The following BZW2 variants were observed in gnomAD, a reference collection of about 807,000 sequenced individuals.
The protein encoded by BZW2 is eIF5-mimic protein 1.
Under a neutral mutation model 53.2 loss-of-function variants are expected in BZW2, and 23 were observed. The observed-to-expected ratio is 0.43, with a 90% confidence interval of 0.31 to 0.61. The LOEUF is 0.61. Ranked by LOEUF, BZW2 falls within the 20% of genes least tolerant of loss-of-function variation. BZW2 has a pLI of 0.09. For synonymous variants in BZW2, 227 were observed against 186.4 expected (o/e 1.22, Z -1.77); for missense variants, 409 against 503.1 (o/e 0.81, Z 1.79).
At chr7:16,701,217 C>A (rs1418301189) in intron 10 of BZW2, among the ~76,000 whole-genome samples, 1 of 152,094 alleles carries the variant, frequency 6.6e-6, no homozygotes. Context: ...AACAGTAAAT[C>A]CATTGCTAAC....
chr7:16,663,882 A>C (rs971387718), intron 1 of BZW2, among the ~76,000 whole-genome samples: 1 of 152,186 alleles, frequency 6.6e-6, no homozygotes, highest in African/African-American at 2.4e-5. Context: ...ATTTTTTCAA[A>C]GATAATATAT....
chr7:16,695,785 C>G (rs1215874307), intron 8 of BZW2: 1 of 152,160 alleles, frequency 6.6e-6, no homozygotes, highest in African/African-American at 2.4e-5. Context: ...TGGCAGCTCA[C>G]ATGGTTGAAG....
At chr7:16,706,005 G>T in intron 11 of BZW2, 55 bp from the exon 12 acceptor site, 2 of 1,606,062 alleles carry the variant, frequency 1.2e-6, no homozygotes, top group South Asian at 1.1e-5. Flanking sequence ...AGTAACTTTT[G>T]ACCTTAATTA....
At position 16,680,139 on chromosome 7, in the gene BZW2, C is replaced by A. The variant is rs1366867129; in HGVS notation, c.236-1162C>A. Among the ~76,000 whole-genome samples the A allele has an allele frequency of 3.3e-5, 5 of 152,126 alleles. No homozygotes were observed. The East Asian group carries it at 7.8e-4, about 24-fold the overall frequency. On this transcript the variant is annotated intron_variant, in intron 3 of 11. Transcript: ENST00000258761. ...GTAACTGGGTTAGCAAAGGAGGGAGCAATTGTAATAGCTACCCAAGTAGAA... is the reference window on the plus strand; with the variant it reads ...GTAACTGGGTTAGCAAAGGAGGGAGAAATTGTAATAGCTACCCAAGTAGAA...
chr7:16,694,335 G>A (rs892723725), intron 7 of BZW2, among the ~76,000 whole-genome samples: 3 of 152,152 alleles, frequency 2.0e-5, no homozygotes, highest in African/African-American at 7.2e-5. Flanking sequence ...AACAGTTATG[G>A]AGGCTAAGTC....
At chr7:16,682,639 TAGTTCTTATATTAC>T in intron 4 of BZW2, 127 bp from the exon 5 acceptor site, 1 of 376,018 alleles carries the variant, frequency 2.7e-6, no homozygotes, top group Non-Finnish European at 4.7e-6. Context: ...GAAATGCTTA[TAGTTCTTATATTAC>T]AGTGTGAGCC....
chr7:16,681,462 A>G (rs1782944199), intron 4 of BZW2, 58 bp downstream of exon 4: 1 of 1,360,426 alleles, frequency 7.4e-7, no homozygotes, highest in Non-Finnish European at 1.0e-6. Flanking sequence ...ACTCTATAGA[A>G]GCTCTACAGT....
rs371845944 is a variant in BZW2, at chr7:16,679,533, A to G, written c.236-1768A>G. Among the ~76,000 whole-genome samples the G allele has an allele frequency of 5.3e-5, 8 of 152,252 alleles. No individual in the cohort carries two copies. In the East Asian group the frequency reaches 9.6e-4, roughly 18 times the overall value. On this transcript the variant is annotated intron_variant, in intron 3 of 11. Transcript: ENST00000258761. Reference sequence around the variant, plus strand: ...CTGTATGCTGAAGTCTGAAGCCCATAGAGGGGATGATAAGCTAAGGAAAGT... The same window carrying G: ...CTGTATGCTGAAGTCTGAAGCCCATGGAGGGGATGATAAGCTAAGGAAAGT...
intron 1 of BZW2, among the ~76,000 whole-genome samples, chr7:16,654,083 C>CA (rs61590306): frequency 1.2e-4 from 10 of 82,528 alleles, no homozygotes; most frequent in Non-Finnish European, 2.0e-4. Flanking sequence ...CCCATCTCTA[C>CA]AAAAAAAAAA....
At chr7:16,663,658 G>T (rs929157073) in intron 1 of BZW2, among the ~76,000 whole-genome samples, 3 of 151,896 alleles carry the variant, frequency 2.0e-5, no homozygotes, top group African/African-American at 7.3e-5. Flanking sequence ...ATTTTTTATT[G>T]TTTGATGGTA....
intron 3 of BZW2, among the ~76,000 whole-genome samples, chr7:16,677,798 G>C (rs1674812): frequency 0.23 from 34,361 of 151,734 alleles, 4,123 homozygotes; most frequent in East Asian, 0.37. Context: ...AATAATTTGG[G>C]CGTCTGGGTG....
intron 11 of BZW2, among the ~76,000 whole-genome samples, chr7:16,704,978 A>G (rs1264226592): frequency 6.6e-6 from 1 of 152,238 alleles, no homozygotes; most frequent in African/African-American, 2.4e-5. Flanking sequence ...GCATTATGGA[A>G]TTCTATAGAT....
intron 1 of BZW2, among the ~76,000 whole-genome samples, chr7:16,651,765 A>G (rs1160512087): frequency 1.3e-5 from 2 of 152,172 alleles, no homozygotes; most frequent in Non-Finnish European, 2.9e-5. Flanking sequence ...TCTAAAGATA[A>G]ATGCCTTTTC....
At chr7:16,678,896 G>A (rs1334247212) in intron 3 of BZW2, among the ~76,000 whole-genome samples, 3 of 152,114 alleles carry the variant, frequency 2.0e-5, no homozygotes, top group Non-Finnish European at 2.9e-5. Flanking sequence ...GGGAGACAGT[G>A]TACGAATAGA....
intron 2 of BZW2, among the ~76,000 whole-genome samples, chr7:16,666,912 G>A (rs1419133471): frequency 6.7e-6 from 1 of 148,554 alleles, no homozygotes; most frequent in Admixed American, 6.7e-5. Context: ...ACTACACCAA[G>A]CCAAGAATAT....
chr7:16,684,774 G>T lies in BZW2; in HGVS notation c.406-1131G>T, dbSNP rs75804810. Among the ~76,000 whole-genome samples the T allele has an allele frequency of 6.5e-3, 986 of 152,140 alleles. 9 individuals carry two copies. Among genetic ancestry groups the T allele is most frequent in the African/African-American group, 0.023 (941 of 41,500 alleles). On this transcript the variant is annotated intron_variant, in intron 5 of 11. Transcript: ENST00000258761. ...TTAGATGTTAACTTCTTTTTAATTT[G>T]TTGAGAATTTAATAGGTATAAATTG...
At chr7:16,667,857 C>A (rs1275760325) in intron 2 of BZW2, among the ~76,000 whole-genome samples, 5 of 152,176 alleles carry the variant, frequency 3.3e-5, no homozygotes. Context: ...ATTTAGTCCT[C>A]ATCTTACTCT....
At chr7:16,677,474 G>A (rs1782801519) in intron 3 of BZW2, among the ~76,000 whole-genome samples, 1 of 152,146 alleles carries the variant, frequency 6.6e-6, no homozygotes, top group African/African-American at 2.4e-5. Context: ...CTGCTGAATT[G>A]AGGTGTAGTA....
chr7:16,697,486 G>A (rs1396976373), intron 9 of BZW2, among the ~76,000 whole-genome samples: 1 of 152,122 alleles, frequency 6.6e-6, no homozygotes, highest in East Asian at 1.9e-4. Context: ...TTCCAAGTTT[G>A]CACCCAGCGT....
Sources: allele counts gnomAD v4.1 joint callset (sites outside exome capture counted in the v4.1 genomes callset), GRCh38; gene constraint gnomAD v4.1.1; transcripts MANE v1.5; gene names NCBI Gene and HGNC (gene_info 2026-07-23, HGNC 2026-07-21).